The following ZFX variants were observed in gnomAD, a reference collection of about 807,000 sequenced individuals.
The protein encoded by ZFX is zinc finger X-chromosomal protein.
For missense variants in ZFX, 362 were observed against 628.3 expected (o/e 0.58, Z 4.53); for synonymous variants, 196 against 226.8 (o/e 0.86, Z 1.22).
intron 5 of ZFX, among the ~76,000 whole-genome samples, chrX:24,198,404 T>C (rs756858307): frequency 2.7e-5 from 3 of 109,671 alleles, no homozygotes. Context: ...CTCACTATAT[T>C]ACCCAGGCTG....
At chrX:24,170,608 A>ATTTTT (rs1217226048) in intron 3 of ZFX, among the ~76,000 whole-genome samples, 5 of 85,930 alleles carry the variant, frequency 5.8e-5, no homozygotes, top group Non-Finnish European at 6.9e-5. Flanking sequence ...TTTTTCTTTA[A>ATTTTT]TTTTTTTTTT....
chrX:24,178,524 GGTCATCCGCCC>G (rs1413828689), intron 4 of ZFX, among the ~76,000 whole-genome samples: 5 of 106,238 alleles, frequency 4.7e-5, no homozygotes, highest in Non-Finnish European at 7.8e-5. Context: ...CTTCTGACCT[GGTCATCCGCCC>G]GTCTTGGCCT....
At chrX:24,182,068 A>T (rs1386631357) in intron 5 of ZFX, among the ~76,000 whole-genome samples, 1 of 110,955 alleles carries the variant, frequency 9.0e-6, no homozygotes, top group African/African-American at 3.3e-5. Flanking sequence ...AGGAAGAAAG[A>T]TAATTCAAGG....
At position 24,210,938 on chromosome X, in the gene ZFX, C is replaced by T. The variant is rs55704019; in HGVS notation, c.1980C>T (p.Tyr660=). The change falls in exon 10 of 10, where the codon TAC becomes TAT. Residue 660 remains tyrosine, a synonymous_variant. Transcript: ENST00000304543. ...TAATTTCAGTTCACACGAAAGACTACCCCCATAAGTGTGACATGTGTGATA... is the reference window on the plus strand; with the variant it reads ...TAATTTCAGTTCACACGAAAGACTATCCCCATAAGTGTGACATGTGTGATA... ...RHIISVHTKD[Y]PHKCDMCDKG... 4 of 1,211,413 alleles carry T rather than the reference C, an allele frequency of 3.3e-6. No homozygotes were observed. Among genetic ancestry groups the T allele is most frequent in the African/African-American group, 3.5e-5 (2 of 57,640 alleles).
At chrX:24,187,490 TAAAC>T (rs1448204056) in intron 5 of ZFX, among the ~76,000 whole-genome samples, 1 of 112,271 alleles carries the variant, frequency 8.9e-6, no homozygotes, top group Non-Finnish European at 1.9e-5. Context: ...TCAACAATGT[TAAAC>T]AATAATTTGT....
chrX:24,153,185 T>C (rs775065475), intron 3 of ZFX, among the ~76,000 whole-genome samples: 2 of 112,167 alleles, frequency 1.8e-5, no homozygotes, highest in African/African-American at 3.2e-5. Flanking sequence ...AATTCCAAAC[T>C]TTTTTTCACT....
Position 24,210,824 on chromosome X carries a change from A to G in ZFX, c.1866A>G (p.Gln622=), listed in dbSNP as rs1427682509. 1.5e-5 allele frequency: 18 copies of G among 1,210,319 alleles called. No individual in the cohort carries two copies. Among genetic ancestry groups the G allele is most frequent in the Admixed American group, 2.2e-5 (1 of 45,795 alleles). The part of the protein sequence containing the change: ...LTFSDTKEVQ[Q]HALIHQESKT... ...TCTCGGATACCAAAGAGGTGCAGCA[A>G]CATGCTCTTATCCACCAAGAAAGCA... Residue 622 remains glutamine, a synonymous_variant, in exon 10 of 10, where the codon CAA becomes CAG. Coordinates refer to ENST00000304543, the MANE Select transcript of ZFX (RefSeq NM_003410.4).
At chrX:24,207,932 G>A in intron 7 of ZFX, 77 bp downstream of exon 7, 1 of 1,089,255 alleles carries the variant, frequency 9.2e-7, no homozygotes, top group Admixed American at 2.6e-5. Context: ...GAAATAAGTA[G>A]CATTATTTTA....
intron 9 of ZFX, 191 bp downstream of exon 9, chrX:24,209,231 C>A: frequency 1.5e-6 from 1 of 664,278 alleles, no homozygotes; most frequent in Non-Finnish European, 2.1e-6. Flanking sequence ...TAAAAAGAAA[C>A]AGGACATGGC....
intron 3 of ZFX, among the ~76,000 whole-genome samples, chrX:24,161,216 AAAG>A (rs2147315419): frequency 8.9e-6 from 1 of 112,472 alleles, no homozygotes; most frequent in East Asian, 2.8e-4. Context: ...AAGAGAAATG[AAAG>A]AAGACCTAAA....
At chrX:24,164,184 GA>G (rs1465071922) in intron 3 of ZFX, among the ~76,000 whole-genome samples, 1 of 110,938 alleles carries the variant, frequency 9.0e-6, no homozygotes, top group African/African-American at 3.3e-5. Context: ...ACTCAACCTG[GA>G]GCATGCCTGT....
At chrX:24,207,934 A>G in intron 7 of ZFX, 79 bp downstream of exon 7, 4 of 1,070,414 alleles carry the variant, frequency 3.7e-6, no homozygotes, top group Non-Finnish European at 1.3e-6. Flanking sequence ...AATAAGTAGC[A>G]TTATTTTAGA....
chrX:24,207,057 C>A (rs1329950135), intron 5 of ZFX: 9 of 246,882 alleles, frequency 3.6e-5, no homozygotes, highest in Admixed American at 3.1e-4. Context: ...AATGGTGAAA[C>A]CCTGTCTCTA....
intron 1 of ZFX, chrX:24,150,176 C>T (rs1223873994): frequency 4.6e-5 from 1 of 21,928 alleles, no homozygotes. Flanking sequence ...ATGTAAATAT[C>T]GGTGAGGGGG....
intron 5 of ZFX, among the ~76,000 whole-genome samples, chrX:24,190,720 A>G (rs1454084931): frequency 8.9e-6 from 1 of 111,919 alleles, no homozygotes; most frequent in Admixed American, 9.5e-5. Context: ...GAGAGAGAAC[A>G]TACCTCTCCT....
Position 24,213,828 on chromosome X carries a change from T to C in ZFX, c.*2452T>C, listed in dbSNP as rs1938283839. ...TTTCCCAGAAATAATGTAAAAACAC[T>C]TAAATGAAAGTGGAAATGTATTAAT... On this transcript the variant is annotated 3_prime_UTR_variant, in exon 10 of 10. Transcript: ENST00000304543. 1 of 110,800 alleles carries C rather than the reference T, an allele frequency of 9.0e-6. No individual in the cohort carries two copies. Among genetic ancestry groups the C allele is most frequent in the African/African-American group, 3.3e-5 (1 of 30,358 alleles). The allele number at this position is 110,800 out of a possible 1,213,427, so 9.1% of individuals were successfully genotyped here.
chrX:24,176,811 C>T (rs1302374431), intron 4 of ZFX, among the ~76,000 whole-genome samples: 1 of 111,613 alleles, frequency 9.0e-6, no homozygotes, highest in Non-Finnish European at 1.9e-5. Context: ...GAGTTAGGCA[C>T]CTGGTTGGAC....
chrX:24,150,344 G>C (rs745710916), intron 1 of ZFX, among the ~76,000 whole-genome samples: 1 of 109,713 alleles, frequency 9.1e-6, no homozygotes, highest in East Asian at 2.9e-4. Flanking sequence ...GGCGGCGGCG[G>C]CAGCGGCGCC....
intron 4 of ZFX, among the ~76,000 whole-genome samples, chrX:24,176,435 T>TC (rs1302798804): frequency 4.2e-5 from 4 of 94,335 alleles, no homozygotes; most frequent in Non-Finnish European, 8.5e-5. Context: ...CTTTGATTTT[T>TC]TTTTTTTTTT....
Sources: gnomAD v4.1 joint callset for allele counts (sites outside exome capture counted in the v4.1 genomes callset) on GRCh38, gnomAD v4.1.1 for gene constraint, MANE v1.5 for transcripts, NCBI Gene and HGNC (gene_info 2026-07-23, HGNC 2026-07-21) for gene names.